The following ANK3 variants were observed in gnomAD, a reference collection of about 807,000 sequenced individuals.
The protein encoded by ANK3 is ankyrin-3.
In ANK3, 57 loss-of-function variants were observed where a neutral mutation model predicts 370.9. The ratio of observed to expected loss-of-function variants is 0.15; its 90% confidence interval spans 0.12 to 0.19. The LOEUF is 0.19. ANK3 is among the 10% of genes least tolerant of loss of function. The probability of loss-of-function intolerance (pLI) is 1.00; values close to 1 mark genes in which losing one functional copy is unlikely to be tolerated. For synonymous variants in ANK3, 1,929 were observed against 1,946.3 expected, an observed-to-expected ratio of 0.99 and a Z score of 0.23; for missense variants, 4,439 against 5,302.1, an observed-to-expected ratio of 0.84 and a Z score of 5.06.
At chr10:60,275,544 C>A (rs771899913) in intron 4 of ANK3, among the ~76,000 whole-genome samples, 1 of 151,974 alleles carries the variant, frequency 6.6e-6, no homozygotes, top group Non-Finnish European at 1.5e-5. Context: ...GATTCATATA[C>A]GTTACTAATT....
Position 60,198,429 on chromosome 10 carries a change from T to C in ANK3, c.1600A>G (p.Thr534Ala). The change falls in exon 14 of 44, where the codon ACC (threonine) becomes GCC (alanine). Residue 534 changes from threonine (T) to alanine (A), a missense_variant. This residue lies in a region of ANK3 where 227 missense variants were observed against 377.6 expected (regional missense o/e 0.60). Coordinates refer to ENST00000280772, the MANE Select transcript of ANK3 (RefSeq NM_020987.5). ...TCTCGGGCGGAAAGGTGAAGTGGGG[T>C]GTACCCAGAAGTTGTGGCTGCATTT... is the stretch of plus-strand genomic sequence containing the variant. ...SPNAATTSGY[T>A]PLHLSAREGH... The C allele has an allele frequency of 6.2e-7, 1 of 1,614,172 alleles. No individual in the cohort carries two copies. Among genetic ancestry groups the C allele is most frequent in the Non-Finnish European group, 8.5e-7 (1 of 1,180,036 alleles).
At chr10:60,181,757 GAT>G (rs1348984364) in intron 17 of ANK3, among the ~76,000 whole-genome samples, 1 of 151,980 alleles carries the variant, frequency 6.6e-6, no homozygotes, top group Non-Finnish European at 1.5e-5. Context: ...AGTGAGTTGA[GAT>G]AGCGCCATTG....
chr10:60,258,440 A>T (rs2097765225), intron 7 of ANK3, among the ~76,000 whole-genome samples: 1 of 152,228 alleles, frequency 6.6e-6, no homozygotes, highest in African/African-American at 2.4e-5. Flanking sequence ...GGTGTTATTG[A>T]AACAGTTAAG....
intron 5 of ANK3, among the ~76,000 whole-genome samples, chr10:60,266,734 C>T (rs2097886125): frequency 6.6e-6 from 1 of 152,136 alleles, no homozygotes; most frequent in Admixed American, 6.6e-5. Flanking sequence ...TTAGCAGCTC[C>T]AGATTTTGTT....
At chr10:60,544,757 A>G (rs964933677) in intron 2 of ANK3, among the ~76,000 whole-genome samples, 5 of 152,120 alleles carry the variant, frequency 3.3e-5, no homozygotes, top group African/African-American at 4.8e-5. Flanking sequence ...GTGTTAATCT[A>G]TTGTACTCCT....
At chr10:60,638,571 G>A (rs2078586323) in intron 1 of ANK3, among the ~76,000 whole-genome samples, 1 of 151,798 alleles carries the variant, frequency 6.6e-6, no homozygotes, top group Admixed American at 6.6e-5. Context: ...AAACAGAAAT[G>A]AGAGAGATGA....
chr10:60,302,518 C>G (rs2044049607), intron 1 of ANK3, among the ~76,000 whole-genome samples: 1 of 152,062 alleles, frequency 6.6e-6, no homozygotes, highest in South Asian at 2.1e-4. Context: ...GTTCTCACAG[C>G]TATGTTGTGA....
chr10:60,082,190 G>T lies in ANK3; in HGVS notation c.4324-14C>A. On this transcript the variant is annotated splice_polypyrimidine_tract_variant and intron_variant, in intron 34 of 43. Transcript: ENST00000280772. ...TGACTCTGTCTCCTTTTGGTTCCAA[G>T]ATGCATTGCAGAGACAAGGAATATT... is the stretch of plus-strand genomic sequence containing the variant. 1 of 1,606,296 alleles carries T rather than the reference G, an allele frequency of 6.2e-7. No individual in the cohort carries two copies. The highest frequency in any genetic ancestry group is 8.5e-7 in the Non-Finnish European group (1 of 1,174,494).
At chr10:60,081,838 C>G in intron 35 of ANK3, 1 of 241,418 alleles carries the variant, frequency 4.1e-6, no homozygotes, top group East Asian at 1.0e-4. Flanking sequence ...CTCACTATTG[C>G]ACTTGACTTG....
At chr10:60,133,375 A>G (rs971219825) in intron 25 of ANK3, among the ~76,000 whole-genome samples, 2 of 152,246 alleles carry the variant, frequency 1.3e-5, no homozygotes, top group African/African-American at 4.8e-5. Flanking sequence ...GCCCACATGC[A>G]GGAAGACTGT....
At chr10:60,201,940 C>T (rs940144198) in intron 12 of ANK3, among the ~76,000 whole-genome samples, 4 of 151,856 alleles carry the variant, frequency 2.6e-5, no homozygotes, top group Non-Finnish European at 5.9e-5. Context: ...GTCTTGAATT[C>T]CCGTCCTTAA....
intron 23 of ANK3, among the ~76,000 whole-genome samples, chr10:60,150,242 C>T (rs2095044510): frequency 1.3e-5 from 2 of 152,122 alleles, no homozygotes; most frequent in African/African-American, 4.8e-5. Flanking sequence ...ACCCTTGTCC[C>T]CACTCCTGTG....
intron 1 of ANK3, among the ~76,000 whole-genome samples, chr10:60,730,726 A>G (rs904605575): frequency 2.0e-5 from 3 of 152,224 alleles, no homozygotes; most frequent in African/African-American, 7.2e-5. Flanking sequence ...TAGTTATGTG[A>G]ACAACAGCCC....
intron 1 of ANK3, among the ~76,000 whole-genome samples, chr10:60,365,108 T>C (rs116917459): frequency 0.092 from 5,647 of 61,708 alleles, 302 homozygotes; most frequent in South Asian, 0.24. Context: ...GCTAAAATAT[T>C]TATTGAAAAA....
intron 2 of ANK3, among the ~76,000 whole-genome samples, chr10:60,405,312 T>C (rs750205278): frequency 6.6e-6 from 1 of 152,144 alleles, no homozygotes; most frequent in East Asian, 1.9e-4. Flanking sequence ...TGTGGTGTAC[T>C]CATACAATTA....
At chr10:60,093,905 C>T (rs930253062) in intron 28 of ANK3, among the ~76,000 whole-genome samples, 2 of 152,174 alleles carry the variant, frequency 1.3e-5, no homozygotes, top group Non-Finnish European at 2.9e-5. Context: ...CAGGGACCCT[C>T]TGTGTTGTGT....
chr10:60,321,437 G>A (rs1411523566), intron 1 of ANK3, among the ~76,000 whole-genome samples: 3 of 150,982 alleles, frequency 2.0e-5, no homozygotes, highest in Non-Finnish European at 4.4e-5. Flanking sequence ...GAAAAGAAAA[G>A]GCATAGCTTA....
intron 28 of ANK3, among the ~76,000 whole-genome samples, chr10:60,103,846 T>C (rs549413565): frequency 3.4e-4 from 51 of 152,166 alleles, no homozygotes; most frequent in African/African-American, 1.0e-3. Context: ...AAATAACACA[T>C]AGAATCCAAG....
chr10:60,590,321 A>G (rs953002270), intron 2 of ANK3, among the ~76,000 whole-genome samples: 3 of 152,230 alleles, frequency 2.0e-5, no homozygotes, highest in Admixed American at 6.5e-5. Flanking sequence ...TATCTCTTCA[A>G]TAATTACTTA....
Sources: allele counts gnomAD v4.1 joint callset (sites outside exome capture counted in the v4.1 genomes callset), GRCh38; gene constraint gnomAD v4.1.1; regional missense constraint gnomAD v4.1.1; transcripts MANE v1.5; gene names NCBI Gene and HGNC (gene_info 2026-07-23, HGNC 2026-07-21).